The following RNF144A variants were observed in gnomAD, a reference collection of about 807,000 sequenced individuals.
The protein encoded by RNF144A is E3 ubiquitin-protein ligase RNF144A.
In RNF144A, 11 loss-of-function variants were observed where a neutral mutation model predicts 38.7. The ratio of observed to expected loss-of-function variants is 0.28; its 90% CI spans 0.18 to 0.47. The LOEUF (loss-of-function observed/expected upper bound fraction) is 0.47. Among genes scored for constraint, RNF144A ranks in the 20% least tolerant of loss-of-function variants. The pLI is 0.99. For synonymous variants in RNF144A, 149 were observed against 143.9 expected (o/e 1.04, Z -0.25); for missense variants, 316 against 377.2 (o/e 0.84, Z 1.34).
At chr2:7,072,881 C>T (rs1329860025), downstream of RNF144A, among the ~76,000 whole-genome samples, 3 of 152,190 alleles carry the variant, frequency 2.0e-5, no homozygotes, top group African/African-American at 7.2e-5. Context: ...CAAGTGTTTA[C>T]CTCAAATGGG....
intron 8 of RNF144A, among the ~76,000 whole-genome samples, chr2:7,038,198 G>T (rs1468540074): frequency 6.6e-6 from 1 of 152,234 alleles, no homozygotes; most frequent in African/African-American, 2.4e-5. Flanking sequence ...ATTCTCTGAT[G>T]CACCATGCCT....
In RNF144A at chr2:7,041,340, T is replaced by C. The variant is rs765710055; in HGVS notation, c.*1580T>C. On this transcript the variant is annotated 3_prime_UTR_variant, in exon 9 of 9. Transcript: ENST00000320892. ...GAAATTTATTTCTTATTTCCTAACA[T>C]TGAATTCGTTAGAAAAAACAGCGTC... is the stretch of plus-strand genomic sequence containing the variant. The C allele has an allele frequency of 4.1e-6, 4 of 985,610 alleles. No homozygotes were observed. In the African/African-American group the frequency reaches 7.0e-5, roughly 17 times the overall value. 61.1% of individuals were successfully genotyped at this position (985,610 alleles called of 1,614,324 possible).
At chr2:7,066,714 G>A (rs1392375049) in intron 6 of RNF144A, among the ~76,000 whole-genome samples, 5 of 152,080 alleles carry the variant, frequency 3.3e-5, no homozygotes, top group Non-Finnish European at 5.9e-5. Context: ...AAAAATTATC[G>A]CCATGTTGTG....
chr2:6,945,668 G>A (rs754963054), intron 2 of RNF144A, among the ~76,000 whole-genome samples: 12 of 152,138 alleles, frequency 7.9e-5, no homozygotes, highest in East Asian at 3.9e-4. Flanking sequence ...GATAAATGAG[G>A]AGACACAGGC....
rs1243467086 is a variant in RNF144A, at chr2:6,917,882, C to T, written c.-212+260C>T. ...CGTCCCTGCTCTGCTCCTGCCCTGC[C>T]CTGCCTCTCGCAGGCGGCGCCCGCG... On this transcript the variant is annotated intron_variant, in intron 1 of 8. Transcript: ENST00000320892. This position sits in a 1 kb window ranked among gnomAD's most constrained non-coding sequence, Gnocchi z 4.8. 1.3e-5 allele frequency among the ~76,000 whole-genome samples: 2 copies of T among 151,306 alleles called. No individual in the cohort carries two copies. Among genetic ancestry groups the T allele is most frequent in the East Asian group, 2.0e-4 (1 of 5,120 alleles).
At position 7,043,895 on chromosome 2, in the gene RNF144A, T is replaced by C; in HGVS notation, c.*4135T>C. ...TGCATGAATGAGTCATGCACATGTA[T>C]ACGTTATGTATTTGACAAGTGGTGG... On this transcript the variant is annotated 3_prime_UTR_variant, in exon 9 of 9. Transcript: ENST00000320892. 1 of 985,884 alleles carries C rather than the reference T, an allele frequency of 1.0e-6. No homozygotes were observed. Among genetic ancestry groups the C allele is most frequent in the Non-Finnish European group, 1.2e-6 (1 of 829,926 alleles). 61.1% of individuals were successfully genotyped at this position (985,884 alleles called of 1,614,324 possible). A position where few individuals can be genotyped will look rare whatever the true frequency, so the allele number is the denominator to read the frequency against.
intron 1 of RNF144A, among the ~76,000 whole-genome samples, chr2:6,928,922 C>A (rs1341068393): frequency 2.0e-5 from 3 of 152,142 alleles, no homozygotes; most frequent in African/African-American, 7.2e-5. Context: ...CTGCGTGGCC[C>A]CTTCAGACCC....
At chr2:7,052,364 T>C (rs1673565470) in intron 6 of RNF144A, among the ~76,000 whole-genome samples, 1 of 152,128 alleles carries the variant, frequency 6.6e-6, no homozygotes, top group Non-Finnish European at 1.5e-5. Context: ...TAAATATTAT[T>C]TTGTGCCCAT....
chr2:6,963,657 T>A (rs1667479667), intron 2 of RNF144A, among the ~76,000 whole-genome samples: 1 of 152,224 alleles, frequency 6.6e-6, no homozygotes, highest in South Asian at 2.1e-4. Context: ...CCTCCCTTCT[T>A]ATCTCTCTCA....
At chr2:6,928,617 C>A (rs1393385734) in intron 1 of RNF144A, among the ~76,000 whole-genome samples, 1 of 152,208 alleles carries the variant, frequency 6.6e-6, no homozygotes, top group Non-Finnish European at 1.5e-5. Flanking sequence ...CATGCCCTGG[C>A]CTCCGTGCTC....
rs3772013 is a variant in RNF144A, at chr2:6,958,373, G to A, written c.-12+17226G>A. Among the ~76,000 whole-genome samples, 3 of 152,190 alleles carry A rather than the reference G, an allele frequency of 2.0e-5. No homozygotes were observed. The highest frequency in any genetic ancestry group is 7.2e-5 in the African/African-American group (3 of 41,436). On this transcript the variant is annotated intron_variant, in intron 2 of 8. Coordinates refer to ENST00000320892, the MANE Select transcript of RNF144A (RefSeq NM_014746.6). This position sits in a 1 kb window ranked among gnomAD's most constrained non-coding sequence, Gnocchi z 4.5. Reference sequence around the variant, plus strand: ...CCTTGCTTTCCTCCCCGACACCCAGGTGACCACCCAGTTTGGGAGGAAAAC... The same window carrying A: ...CCTTGCTTTCCTCCCCGACACCCAGATGACCACCCAGTTTGGGAGGAAAAC...
In RNF144A at chr2:6,962,003, C is replaced by G. The variant is rs562595171; in HGVS notation, c.-12+20856C>G. Among the ~76,000 whole-genome samples, 1 of 152,058 alleles carries G rather than the reference C, an allele frequency of 6.6e-6. No homozygotes were observed. Among genetic ancestry groups the G allele is most frequent in the African/African-American group, 2.4e-5 (1 of 41,388 alleles). On this transcript the variant is annotated intron_variant, in intron 2 of 8. Coordinates refer to ENST00000320892, the MANE Select transcript of RNF144A (RefSeq NM_014746.6). This position sits in a 1 kb window ranked among gnomAD's most constrained non-coding sequence, Gnocchi z 4.1. ...CAGGGAGAACAAGGACACGGACATA[C>G]GAAGAGTGAGGTTGACAGTGGAAGT...
intron 3 of RNF144A, among the ~76,000 whole-genome samples, chr2:7,004,662 C>A (rs886418527): frequency 2.0e-5 from 3 of 152,202 alleles, no homozygotes; most frequent in African/African-American, 7.2e-5. Context: ...CTGCCTTTTT[C>A]CCCAGCTTCC....
intron 1 of RNF144A, among the ~76,000 whole-genome samples, chr2:6,933,940 T>A (rs781502667): frequency 5.3e-5 from 8 of 152,184 alleles, no homozygotes; most frequent in Non-Finnish European, 7.4e-5. Flanking sequence ...GAAGATTGCT[T>A]CCAGGGTTTT....
chr2:7,033,992 G>A (rs985771721), intron 8 of RNF144A, among the ~76,000 whole-genome samples: 2 of 152,206 alleles, frequency 1.3e-5, no homozygotes, highest in Non-Finnish European at 2.9e-5. Flanking sequence ...CGGGCAGGGA[G>A]CAAAGGGTTG....
intron 1 of RNF144A, among the ~76,000 whole-genome samples, chr2:6,925,615 A>G (rs912335290): frequency 2.0e-5 from 3 of 152,188 alleles, no homozygotes; most frequent in Non-Finnish European, 4.4e-5. Flanking sequence ...GGCAGGTTCA[A>G]GGCGCAGAAT....
rs201053961 is a variant in RNF144A, at chr2:7,014,502, G to T, written c.184G>T (p.Ala62Ser). The change falls in exon 4 of 9, where the codon GCA (alanine) becomes TCA (serine). Residue 62 changes from alanine to serine, a missense_variant. By Grantham distance (99) the Ala-to-Ser change is moderately conservative. Coordinates refer to ENST00000320892, the MANE Select transcript of RNF144A (RefSeq NM_014746.6). Reference protein sequence around the residue: ...ELLIKEGLETAISCPDAACPK... With the variant: ...ELLIKEGLETSISCPDAACPK... Reference sequence around the variant, plus strand: ...CTTGATCAAAGAAGGATTAGAAACCGCAATTAGCTGCCCAGATGCTGCCTG... The same window carrying T: ...CTTGATCAAAGAAGGATTAGAAACCTCAATTAGCTGCCCAGATGCTGCCTG... The T allele has an allele frequency of 6.2e-6, 10 of 1,610,840 alleles. No individual in the cohort carries two copies. Among genetic ancestry groups the T allele is most frequent in the African/African-American group, 5.4e-5 (4 of 74,678 alleles).
At chr2:6,927,392 T>TC (rs2103274721) in intron 1 of RNF144A, among the ~76,000 whole-genome samples, 1 of 152,376 alleles carries the variant, frequency 6.6e-6, no homozygotes, top group African/African-American at 2.4e-5. Context: ...TTGTTTTTTT[T>TC]CTGTCCCTGG....
intron 2 of RNF144A, among the ~76,000 whole-genome samples, chr2:6,965,394 A>G (rs1443484358): frequency 2.0e-5 from 3 of 152,232 alleles, no homozygotes; most frequent in African/African-American, 4.8e-5. Flanking sequence ...GAGTGGGCCT[A>G]CAGCACCAGA....
Sources: gnomAD v4.1 joint callset for allele counts (sites outside exome capture counted in the v4.1 genomes callset) on GRCh38, gnomAD v4.1.1 for gene constraint, Gnocchi (gnomAD v3.1) non-coding constraint, MANE v1.5 for transcripts, NCBI Gene and HGNC (gene_info 2026-07-23, HGNC 2026-07-21) for gene names.